The following SORCS3 variants were observed in gnomAD, a reference collection of about 807,000 sequenced individuals.
The protein encoded by SORCS3 is sortilin related VPS10 domain containing receptor 3, also known as VPS10 domain-containing receptor SorCS3.
Under a neutral mutation model 146.3 loss-of-function variants are expected in SORCS3, and 57 were observed. The ratio of observed to expected loss-of-function variants is 0.39; its 90% CI spans 0.31 to 0.49. The LOEUF (loss-of-function observed/expected upper bound fraction) is 0.49, where lower values mean the gene tolerates loss of function less well. Ranked by LOEUF, SORCS3 falls within the 20% of genes least tolerant of loss-of-function variation. The pLI, the probability that SORCS3 is intolerant of heterozygous loss-of-function variation, is 0.92. For missense variants in SORCS3, 1,341 were observed against 1,575.5 expected, an observed-to-expected ratio of 0.85 and a Z score of 2.52; for synonymous variants, 653 against 618.5, an observed-to-expected ratio of 1.06 and a Z score of -0.83.
chr10:105,164,542 A>G (rs2056296352), intron 12 of SORCS3, among the ~76,000 whole-genome samples, 163 bp downstream of exon 12: 2 of 152,156 alleles, frequency 1.3e-5, no homozygotes, highest in African/African-American at 4.8e-5. Flanking sequence ...TAGAGGGGTA[A>G]TGGGGTATAA....
At chr10:104,896,426 G>C (rs903740064) in intron 2 of SORCS3, among the ~76,000 whole-genome samples, 2 of 152,246 alleles carry the variant, frequency 1.3e-5, no homozygotes, top group Non-Finnish European at 1.5e-5. Flanking sequence ...CCAGGATAGG[G>C]GCCTGGGACT....
rs369895656 is a variant in SORCS3, at chr10:104,994,892, G to A, written c.954+17399G>A. On this transcript the variant is annotated intron_variant, in intron 4 of 26. Transcript: ENST00000369701. ...GAACCTAGGAAAATAAAGTTGCAAT[G>A]AGAATTCATGTATAAGTGTGTTTAT... 3.4e-4 allele frequency among the ~76,000 whole-genome samples: 52 copies of A among 152,276 alleles called. No homozygotes were observed. The South Asian group carries it at 0.011, about 32-fold the overall frequency.
chr10:105,164,252 C>G (rs1164659955), intron 11 of SORCS3, 51 bp from the exon 12 acceptor site: 3 of 1,405,740 alleles, frequency 2.1e-6, no homozygotes, highest in Non-Finnish European at 2.0e-6. Flanking sequence ...GCCCTAAGCA[C>G]ACTTAATTGG....
intron 2 of SORCS3, among the ~76,000 whole-genome samples, chr10:104,861,814 G>A (rs1258697442): frequency 6.6e-6 from 1 of 152,140 alleles, no homozygotes; most frequent in Non-Finnish European, 1.5e-5. Flanking sequence ...CGTCCTGGAG[G>A]CTGAGTCTGA....
intron 1 of SORCS3, among the ~76,000 whole-genome samples, chr10:104,689,164 A>G (rs1336605240): frequency 1.3e-5 from 2 of 152,168 alleles, no homozygotes; most frequent in Non-Finnish European, 2.9e-5. Flanking sequence ...AGCTCCAGGT[A>G]AATAAAACTG....
intron 23 of SORCS3, 41 bp downstream of exon 23, chr10:105,252,947 C>A: frequency 6.2e-7 from 1 of 1,603,012 alleles, no homozygotes; most frequent in Admixed American, 1.7e-5. Context: ...TGCCTGCACC[C>A]TACACCCTGA....
At chr10:105,181,666 T>G (rs2056443627) in intron 14 of SORCS3, among the ~76,000 whole-genome samples, 1 of 152,206 alleles carries the variant, frequency 6.6e-6, no homozygotes, top group Non-Finnish European at 1.5e-5. Context: ...GATGTTATTA[T>G]TTAAACATCC....
At chr10:104,785,182 C>T (rs1023503196) in intron 1 of SORCS3, among the ~76,000 whole-genome samples, 8 of 149,756 alleles carry the variant, frequency 5.3e-5, no homozygotes, top group South Asian at 2.1e-4. Context: ...GGATGGTTGC[C>T]GTGTCTGTGT....
intron 7 of SORCS3, among the ~76,000 whole-genome samples, chr10:105,110,039 A>T (rs2055849286): frequency 6.6e-6 from 1 of 152,078 alleles, no homozygotes; most frequent in East Asian, 1.9e-4. Flanking sequence ...GACAGGAAAG[A>T]CAAAAGAGAG....
chr10:105,245,450 C>A, intron 20 of SORCS3, 92 bp from the exon 21 acceptor site: 1 of 1,467,386 alleles, frequency 6.8e-7, no homozygotes, highest in Non-Finnish European at 9.2e-7. Flanking sequence ...TTTTCTTTTC[C>A]AAGTTAGGAT....
intron 16 of SORCS3, among the ~76,000 whole-genome samples, chr10:105,207,720 C>G: frequency 6.6e-6 from 1 of 152,142 alleles, no homozygotes; most frequent in Admixed American, 6.6e-5. Flanking sequence ...CCAGTTTCCA[C>G]TAGTGTTGTT....
At chr10:104,871,567 C>G (rs569757403) in intron 2 of SORCS3, among the ~76,000 whole-genome samples, 1 of 152,218 alleles carries the variant, frequency 6.6e-6, no homozygotes, top group East Asian at 1.9e-4. Context: ...ATTATGCAGC[C>G]TTCTGCAATG....
chr10:104,873,112 A>G (rs1211909833), intron 2 of SORCS3, among the ~76,000 whole-genome samples: 1 of 152,220 alleles, frequency 6.6e-6, no homozygotes, highest in African/African-American at 2.4e-5. Context: ...GGTCACACGA[A>G]TGTGTCCGTC....
At position 105,264,162 on chromosome 10, in the gene SORCS3, T is replaced by A. The variant is rs1360556763; in HGVS notation, c.*788T>A. On this transcript the variant is annotated 3_prime_UTR_variant, in exon 27 of 27. Transcript: ENST00000369701. ...ATAAAGGGGGGTGGGGGGAGGGGCT[T>A]CTCTGGGGCAATTGATAAAGGAAGG... The A allele has an allele frequency of 6.9e-6, 1 of 144,642 alleles. No individual in the cohort carries two copies. The highest frequency in any genetic ancestry group is 1.5e-5 in the Non-Finnish European group (1 of 65,856). The allele number at this position is 144,642 out of a possible 1,614,324, so 9.0% of individuals were successfully genotyped here.
intron 2 of SORCS3, among the ~76,000 whole-genome samples, chr10:104,869,949 A>G (rs2018501280): frequency 6.6e-6 from 1 of 152,196 alleles, no homozygotes; most frequent in Non-Finnish European, 1.5e-5. Flanking sequence ...CATTGTCAGA[A>G]TGGACATAAT....
intron 2 of SORCS3, among the ~76,000 whole-genome samples, chr10:104,894,076 C>T (rs1311924708): frequency 2.0e-5 from 3 of 152,210 alleles, no homozygotes; most frequent in African/African-American, 7.2e-5. Context: ...CAGCTACTCA[C>T]TGACCAGGCT....
At chr10:105,196,980 C>G (rs1189299980) in intron 14 of SORCS3, among the ~76,000 whole-genome samples, 3 of 152,138 alleles carry the variant, frequency 2.0e-5, no homozygotes, top group African/African-American at 7.2e-5. Context: ...TCCTGAAGTT[C>G]CAGGTGTTCT....
intron 1 of SORCS3, among the ~76,000 whole-genome samples, chr10:104,691,821 A>ATC (rs2016116628): frequency 6.6e-6 from 1 of 152,058 alleles, no homozygotes; most frequent in Non-Finnish European, 1.5e-5. Flanking sequence ...GCTCACCATA[A>ATC]CTTCAAACTC....
intron 1 of SORCS3, among the ~76,000 whole-genome samples, chr10:104,726,871 C>A (rs1297842270): frequency 1.3e-5 from 2 of 152,154 alleles, no homozygotes; most frequent in African/African-American, 4.8e-5. Flanking sequence ...GGGACTAGGG[C>A]TACTTGGGAT....
Sources: gnomAD v4.1 joint callset for allele counts (sites outside exome capture counted in the v4.1 genomes callset) on GRCh38, gnomAD v4.1.1 for gene constraint, MANE v1.5 for transcripts, NCBI Gene and HGNC (gene_info 2026-07-23, HGNC 2026-07-21) for gene names.